RBFOX1: variants seen among roughly 807,000 people sequenced by gnomAD.
RBFOX1 encodes the protein RNA binding fox-1 homolog 1, also known as RNA binding protein fox-1 homolog 1.
In RBFOX1, 8 loss-of-function variants were observed where a neutral mutation model predicts 57.7. The observed-to-expected ratio is 0.14, with a 90% confidence interval of 0.08 to 0.25. RBFOX1 has a LOEUF of 0.25. Ranked by LOEUF, RBFOX1 falls within the 10% of genes least tolerant of loss-of-function variation. The pLI is 1.00. For missense variants in RBFOX1, 611 were observed against 548.5 expected (o/e 1.11, Z -1.14); for synonymous variants, 326 against 222.4 (o/e 1.47, Z -4.15).
At chr16:6,762,997 C>G (rs1345348894) in intron 3 of RBFOX1, among the ~76,000 whole-genome samples, 1 of 150,524 alleles carries the variant, frequency 6.6e-6, no homozygotes, top group Non-Finnish European at 1.5e-5. Context: ...TTGCCCAGTG[C>G]AAATAGGAAC....
chr16:6,406,871 T>C (rs1248244863), intron 2 of RBFOX1, among the ~76,000 whole-genome samples: 1 of 152,172 alleles, frequency 6.6e-6, no homozygotes, highest in East Asian at 1.9e-4. Context: ...AAATGAACAG[T>C]TGTGTGTTTA....
rs192371279 is a variant in RBFOX1, at chr16:5,433,169, C to T, written c.220-34047C>T. On this transcript the variant is annotated intron_variant, in intron 1 of 2. Coordinates refer to the RBFOX1 transcript ENST00000585867. ...AAGTGCTGGGATTACACGTGTGAGC[C>T]GCTGTGCGTGGCTGAGGCCCATGTT... Among the ~76,000 whole-genome samples, 35 of 152,278 alleles carry T rather than the reference C, an allele frequency of 2.3e-4. 2 individuals carry two copies. The highest frequency in any genetic ancestry group is 7.7e-4 in the African/African-American group (32 of 41,562).
chr16:7,009,965 T>C (rs958331177), intron 3 of RBFOX1, among the ~76,000 whole-genome samples: 3 of 152,124 alleles, frequency 2.0e-5, no homozygotes, highest in Non-Finnish European at 4.4e-5. Context: ...TCCAAAGCTA[T>C]ATTGGGAGGT....
intron 4 of RBFOX1, among the ~76,000 whole-genome samples, chr16:7,238,907 C>T (rs73544834): frequency 0.052 from 7,853 of 152,156 alleles, 540 homozygotes; most frequent in African/African-American, 0.15. Context: ...GTTTTATGTT[C>T]CTTTGTTAGT....
intron 2 of RBFOX1, among the ~76,000 whole-genome samples, chr16:6,588,717 C>G (rs2097667009): frequency 6.6e-6 from 1 of 152,166 alleles, no homozygotes; most frequent in Non-Finnish European, 1.5e-5. Context: ...TGTTGATTTA[C>G]AAAGTTAGTC....
intron 1 of RBFOX1, among the ~76,000 whole-genome samples, chr16:5,455,818 G>C (rs1162209621): frequency 6.6e-6 from 1 of 152,044 alleles, no homozygotes; most frequent in African/African-American, 2.4e-5. Flanking sequence ...AGAGAACCCT[G>C]GTTTCGAGAA....
chr16:5,263,938 G>A (rs1055633859), intron 1 of RBFOX1, among the ~76,000 whole-genome samples: 7 of 152,180 alleles, frequency 4.6e-5, no homozygotes, highest in Admixed American at 6.5e-5. Context: ...TCCATGTTGT[G>A]ATTCTTTCCA....
intron 3 of RBFOX1, among the ~76,000 whole-genome samples, chr16:6,859,400 C>T (rs1172850873): frequency 1.3e-5 from 2 of 151,728 alleles, no homozygotes; most frequent in Non-Finnish European, 2.9e-5. Context: ...CCATACTTGG[C>T]TCTAATATCA....
At chr16:5,748,211 C>T (rs948717525) in intron 3 of RBFOX1, among the ~76,000 whole-genome samples, 1 of 152,038 alleles carries the variant, frequency 6.6e-6, no homozygotes, top group African/African-American at 2.4e-5. Context: ...ATCCTGAGTT[C>T]TAGTTTGATT....
intron 2 of RBFOX1, among the ~76,000 whole-genome samples, chr16:6,546,882 G>A (rs895550212): frequency 6.6e-6 from 1 of 152,124 alleles, no homozygotes; most frequent in African/African-American, 2.4e-5. Flanking sequence ...TCATGCCTCC[G>A]AAGTCCATGC....
chr16:7,002,743 A>C (rs574813494), intron 3 of RBFOX1, among the ~76,000 whole-genome samples: 19 of 152,220 alleles, frequency 1.2e-4, no homozygotes, highest in African/African-American at 4.6e-4. Flanking sequence ...AACTATTTTC[A>C]AATAGCACTA....
chr16:6,042,180 A>C (rs1321322430), intron 1 of RBFOX1, among the ~76,000 whole-genome samples: 1 of 150,574 alleles, frequency 6.6e-6, no homozygotes, highest in African/African-American at 2.4e-5. Context: ...GGCTGACTGC[A>C]ACTTCTGCCT....
chr16:7,476,711 C>T (rs961762350), intron 4 of RBFOX1, among the ~76,000 whole-genome samples: 1 of 152,128 alleles, frequency 6.6e-6, no homozygotes, highest in Non-Finnish European at 1.5e-5. Context: ...CCCAGAAAGA[C>T]CCCTCTGAAG....
chr16:7,597,022 T>G (rs1485295528), intron 8 of RBFOX1, among the ~76,000 whole-genome samples: 1 of 152,182 alleles, frequency 6.6e-6, no homozygotes, highest in African/African-American at 2.4e-5. Context: ...AATTTTATTT[T>G]ATGTTTAAAA....
chr16:6,685,843 A>G (rs1039498232), intron 3 of RBFOX1, among the ~76,000 whole-genome samples: 9 of 152,138 alleles, frequency 5.9e-5, no homozygotes, highest in Non-Finnish European at 7.4e-5. Flanking sequence ...GTTTCCTACA[A>G]TAATAAATAT....
At chr16:6,532,679 T>C (rs1020148480) in intron 2 of RBFOX1, among the ~76,000 whole-genome samples, 1 of 152,174 alleles carries the variant, frequency 6.6e-6, no homozygotes, top group African/African-American at 2.4e-5. Flanking sequence ...ACTGTGCACT[T>C]TTCTGCTCTG....
chr16:7,708,976 T>C, intron 14 of RBFOX1, 80 bp from the exon 15 acceptor site: 7 of 1,355,388 alleles, frequency 5.2e-6, no homozygotes, highest in Non-Finnish European at 7.4e-6. Context: ...GCATACTGTC[T>C]TGGTATTTTG....
intron 2 of RBFOX1, among the ~76,000 whole-genome samples, chr16:6,511,738 A>G (rs1275642559): frequency 3.3e-5 from 5 of 152,228 alleles, no homozygotes; most frequent in Admixed American, 2.6e-4. Flanking sequence ...GACATGCACT[A>G]TAGATGGATT....
At chr16:7,691,725 A>C (rs2077383327) in intron 14 of RBFOX1, among the ~76,000 whole-genome samples, 1 of 150,512 alleles carries the variant, frequency 6.6e-6, no homozygotes, top group African/African-American at 2.5e-5. Context: ...CACATTGGAC[A>C]GTTCCTTAGG....
Sources: gnomAD v4.1 joint callset for allele counts (sites outside exome capture counted in the v4.1 genomes callset) on GRCh38, gnomAD v4.1.1 for gene constraint, MANE v1.5 for transcripts, NCBI Gene and HGNC (gene_info 2026-07-23, HGNC 2026-07-21) for gene names.